Variants in SPATA13 observed in about 807,000 individuals in gnomAD.
SPATA13 encodes the protein spermatogenesis associated 13.
A neutral mutation model predicts 104.0 loss-of-function variants in SPATA13; 50 were observed. The observed-to-expected ratio is 0.48, with a 90% CI of 0.38 to 0.61. The LOEUF (loss-of-function observed/expected upper bound fraction) is 0.61, where lower values mean the gene tolerates loss of function less well. Among genes scored for constraint, SPATA13 ranks in the 20% least tolerant of loss-of-function variants. The pLI is 0.00. For missense variants in SPATA13, 1,524 were observed against 1,690.6 expected, an observed-to-expected ratio of 0.90 and a Z score of 1.73; for synonymous variants, 606 against 667.5, an observed-to-expected ratio of 0.91 and a Z score of 1.42.
chr13:24,065,263 T>G (rs944234073), intron 3 of SPATA13, among the ~76,000 whole-genome samples: 1 of 151,974 alleles, frequency 6.6e-6, no homozygotes, highest in Non-Finnish European at 1.5e-5. Flanking sequence ...TTAAGGTGAT[T>G]CTTAAACTTC....
At chr13:24,259,559 T>C (rs940710186) in intron 4 of SPATA13, among the ~76,000 whole-genome samples, 51 of 152,272 alleles carry the variant, frequency 3.3e-4, no homozygotes, top group African/African-American at 1.2e-3. Flanking sequence ...TTTGATTTTG[T>C]ACTGAATGTA....
chr13:24,153,606 G>A (rs1882169616), intron 3 of SPATA13, among the ~76,000 whole-genome samples: 1 of 152,156 alleles, frequency 6.6e-6, no homozygotes. Flanking sequence ...TACGCTGCAA[G>A]GAAAACTGTA....
intron 3 of SPATA13, chr13:24,122,905 G>A (rs539032040): frequency 3.7e-5 from 29 of 776,048 alleles, no homozygotes; most frequent in East Asian, 2.9e-4. Flanking sequence ...ATTCCCTCGA[G>A]CTGTTGGGTT....
intron 4 of SPATA13, among the ~76,000 whole-genome samples, chr13:24,274,554 C>T (rs563729693): frequency 2.0e-5 from 3 of 152,344 alleles, no homozygotes; most frequent in African/African-American, 2.4e-5. Context: ...TGTGCATCTC[C>T]GTGGCCTGAG....
chr13:24,097,725 C>T (rs1013467478), intron 3 of SPATA13, among the ~76,000 whole-genome samples: 2 of 152,204 alleles, frequency 1.3e-5, no homozygotes, highest in Non-Finnish European at 2.9e-5. Flanking sequence ...AACCGGGTAC[C>T]TGGATCATGT....
chr13:24,060,790 C>T (rs1049568147), intron 3 of SPATA13, among the ~76,000 whole-genome samples: 1 of 152,270 alleles, frequency 6.6e-6, no homozygotes, highest in East Asian at 1.9e-4. Context: ...CGGCTGGGCA[C>T]GCTGGCTCAT....
intron 2 of SPATA13, among the ~76,000 whole-genome samples, chr13:24,009,803 G>A (rs1209422051): frequency 1.3e-5 from 2 of 152,092 alleles, no homozygotes; most frequent in Admixed American, 6.5e-5. Flanking sequence ...AACTCTGGTC[G>A]GCTTTTTTTG....
intron 1 of SPATA13, among the ~76,000 whole-genome samples, chr13:24,182,090 G>T (rs1327701241): frequency 3.3e-5 from 5 of 152,164 alleles, no homozygotes. Context: ...CTCTTGTTTG[G>T]GGTATTTGTT....
chr13:24,030,272 T>A, intron 3 of SPATA13, among the ~76,000 whole-genome samples: 1 of 152,162 alleles, frequency 6.6e-6, no homozygotes, highest in East Asian at 1.9e-4. Context: ...TGGCATGTGT[T>A]CACCATTATA....
chr13:24,061,417 G>A (rs79870109), intron 3 of SPATA13, among the ~76,000 whole-genome samples: 2 of 152,098 alleles, frequency 1.3e-5, no homozygotes, highest in Non-Finnish European at 2.9e-5. Flanking sequence ...ACATGCATAC[G>A]AATGCTCATT....
In SPATA13 at chr13:24,110,456, A is replaced by G. The variant is rs554129269; in HGVS notation, c.-112+92755A>G. On this transcript the variant is annotated intron_variant, in intron 3 of 14. Coordinates refer to the SPATA13 transcript ENST00000424834. ...AATATTGTAATATGTCCATGGGTCA[A>G]CTCCAAACCCCTTGACTCTGCCGGC... Among the ~76,000 whole-genome samples the G allele has an allele frequency of 5.3e-5, 8 of 152,168 alleles. No homozygotes were observed. The South Asian group carries it at 1.7e-3, about 32-fold the overall frequency.
chr13:24,135,926 G>A (rs753453744), intron 3 of SPATA13, among the ~76,000 whole-genome samples: 1 of 152,108 alleles, frequency 6.6e-6, no homozygotes, highest in Non-Finnish European at 1.5e-5. Flanking sequence ...TCAGCATAAT[G>A]TGAAAGAAAA....
chr13:24,005,270 G>A (rs1024457482), intron 2 of SPATA13, among the ~76,000 whole-genome samples: 2 of 152,134 alleles, frequency 1.3e-5, no homozygotes, highest in African/African-American at 4.8e-5. Flanking sequence ...AATTTTTACC[G>A]TGTTTGCTAA....
chr13:24,195,153 G>T (rs1372351071), intron 1 of SPATA13, among the ~76,000 whole-genome samples: 1 of 152,086 alleles, frequency 6.6e-6, no homozygotes, highest in Non-Finnish European at 1.5e-5. Flanking sequence ...CCTGCCTCCT[G>T]TCTCTATGGA....
chr13:24,151,233 C>T (rs894546169), intron 3 of SPATA13, among the ~76,000 whole-genome samples: 14 of 152,318 alleles, frequency 9.2e-5, no homozygotes, highest in Admixed American at 8.5e-4. Flanking sequence ...ATGCGTCCTT[C>T]AGCATTCAGG....
At chr13:24,058,786 G>A (rs1288884059) in intron 3 of SPATA13, among the ~76,000 whole-genome samples, 1 of 151,788 alleles carries the variant, frequency 6.6e-6, no homozygotes, top group East Asian at 1.9e-4. Flanking sequence ...TGGTTAACCT[G>A]TCAGGTAGCA....
At chr13:24,201,345 T>G (rs945156166) in intron 1 of SPATA13, among the ~76,000 whole-genome samples, 2 of 152,170 alleles carry the variant, frequency 1.3e-5, no homozygotes, top group Admixed American at 6.6e-5. Flanking sequence ...GTTCACTGTT[T>G]CTTTTATTAT....
Position 24,198,892 on chromosome 13 carries a change from T to C in SPATA13, c.-111-23927T>C, listed in dbSNP as rs948434203. Among the ~76,000 whole-genome samples, 6 of 152,186 alleles carry C rather than the reference T, an allele frequency of 3.9e-5. No homozygotes were observed. The South Asian group carries it at 1.2e-3, about 32-fold the overall frequency. On this transcript the variant is annotated intron_variant, in intron 1 of 12. Coordinates refer to ENST00000382108, the MANE Select transcript of SPATA13 (RefSeq NM_001166271.3). ...AGGGGTGATGCAGGACCTTTTCTGC[T>C]GTTGATTAAAGGATTGTATTTTTAG...
intron 3 of SPATA13, among the ~76,000 whole-genome samples, chr13:24,144,034 A>G (rs185122020): frequency 3.3e-5 from 5 of 152,248 alleles, no homozygotes; most frequent in African/African-American, 1.2e-4. Context: ...GAGTGGGGAG[A>G]ACAGAGAGCC....
Sources: allele counts gnomAD v4.1 joint callset (sites outside exome capture counted in the v4.1 genomes callset), GRCh38; gene constraint gnomAD v4.1.1; transcripts MANE v1.5; gene names NCBI Gene and HGNC (gene_info 2026-07-23, HGNC 2026-07-21).